THAP6: variants seen among roughly 807,000 people sequenced by gnomAD.
THAP6 encodes THAP domain containing 6, also known as THAP domain-containing protein 6.
THAP6 carries 13 observed loss-of-function variants against 20.0 expected under a neutral mutation model. That is an observed-to-expected ratio of 0.65 (90% confidence interval 0.42 to 1.03). THAP6 has a LOEUF of 1.03. Among genes scored for constraint, THAP6 ranks in the 50% least tolerant of loss-of-function variants. The pLI, the probability that THAP6 is intolerant of heterozygous loss-of-function variation, is 0.00. For synonymous variants in THAP6, 93 were observed against 92.2 expected, an observed-to-expected ratio of 1.01 and a Z score of -0.05; for missense variants, 262 against 261.6, an observed-to-expected ratio of 1.00 and a Z score of -0.01.
At chr4:75,540,526 C>T (rs550161544) in intron 2 of THAP6, among the ~76,000 whole-genome samples, 3 of 152,292 alleles carry the variant, frequency 2.0e-5, no homozygotes, top group Non-Finnish European at 2.9e-5. Flanking sequence ...TAATAAACTT[C>T]TCAAATCCTT....
chr4:75,539,148 C>T (rs971556178), intron 2 of THAP6, among the ~76,000 whole-genome samples: 115 of 152,322 alleles, frequency 7.5e-4, no homozygotes, highest in African/African-American at 2.5e-3. Context: ...AGCCATATAT[C>T]TCAAGACAAT....
chr4:75,526,940 C>T lies in THAP6; in HGVS notation c.415-20C>T. On this transcript the variant is annotated intron_variant, in intron 4 of 4. Transcript: ENST00000311638. ...ACTACATATCTGTCTGATTTAATAA[C>T]TTGGTGTTTATGTTTTTAGGAACAT... 6.2e-7 allele frequency: 1 copy of T among 1,607,014 alleles called. No homozygotes were observed.
At chr4:75,514,696 C>G (rs1417005693) in intron 1 of THAP6, 176 bp downstream of exon 1, 1 of 164,346 alleles carries the variant, frequency 6.1e-6, no homozygotes, top group African/African-American at 2.4e-5. Flanking sequence ...CCTCCGGTGG[C>G]GGGGAGCCTG....
rs2148798640 is a variant in THAP6, at chr4:75,515,545, T to G, written c.80+13T>G. ...TGACATTTCACGTGTAAGATTTTGC[T>G]GTAGTTAAGCCAAATACTTTGGCCA... On this transcript the variant is annotated intron_variant, in intron 2 of 4. Transcript: ENST00000311638. 6.2e-7 allele frequency: 1 copy of G among 1,613,080 alleles called. No homozygotes were observed. The highest frequency in any genetic ancestry group is 8.5e-7 in the Non-Finnish European group (1 of 1,179,032).
intron 2 of THAP6, among the ~76,000 whole-genome samples, chr4:75,539,631 C>T (rs535225894): frequency 6.6e-6 from 1 of 152,162 alleles, no homozygotes; most frequent in South Asian, 2.1e-4. Context: ...GAGACCAAAC[C>T]AGCTGGGGAG....
chr4:75,540,734 C>T (rs1158190931), intron 2 of THAP6, among the ~76,000 whole-genome samples: 1 of 152,054 alleles, frequency 6.6e-6, no homozygotes, highest in Non-Finnish European at 1.5e-5. Flanking sequence ...AAAATGTACT[C>T]AACATAAAAT....
At chr4:75,537,943 G>A (rs1726908352) in intron 2 of THAP6, among the ~76,000 whole-genome samples, 1 of 152,206 alleles carries the variant, frequency 6.6e-6, no homozygotes, top group African/African-American at 2.4e-5. Flanking sequence ...TGGACCTCCA[G>A]AACAACTGTA....
downstream of THAP6, among the ~76,000 whole-genome samples, chr4:75,534,611 C>T (rs1726798589): frequency 6.6e-6 from 1 of 152,164 alleles, no homozygotes; most frequent in African/African-American, 2.4e-5. Flanking sequence ...AAACTACCAT[C>T]AGAGTGAACA....
intron 2 of THAP6, chr4:75,542,323 C>G: frequency 1.5e-6 from 1 of 652,166 alleles, no homozygotes; most frequent in Admixed American, 2.3e-5. Context: ...CTTCAGAGTA[C>G]TGATATCTGG....
chr4:75,527,680 T>C lies in THAP6; in HGVS notation c.*466T>C, dbSNP rs932743581. ...TAATGCATATCCATCTTGGATTCAA[T>C]CCAAGGTGCTTTAGCTATCAGTAGT... On this transcript the variant is annotated 3_prime_UTR_variant, in exon 5 of 5. Coordinates refer to ENST00000311638, the MANE Select transcript of THAP6 (RefSeq NM_144721.6). 1.0e-6 allele frequency: 1 copy of C among 992,604 alleles called. No homozygotes were observed. Among genetic ancestry groups the C allele is most frequent in the African/African-American group, 1.7e-5 (1 of 57,282 alleles). The allele number at this position is 992,604 out of a possible 1,614,324, so 61.5% of individuals were successfully genotyped here.
downstream of THAP6, among the ~76,000 whole-genome samples, chr4:75,533,944 T>A (rs1296999648): frequency 6.6e-6 from 1 of 151,520 alleles, no homozygotes; most frequent in East Asian, 1.9e-4. Context: ...CAGTGTGTGA[T>A]GTTCCCCTTC....
chr4:75,518,741 C>T (rs959069629), intron 3 of THAP6, among the ~76,000 whole-genome samples: 2 of 152,146 alleles, frequency 1.3e-5, no homozygotes, highest in East Asian at 1.9e-4. Flanking sequence ...CTTTAGTCTA[C>T]GTAAGGATTA....
chr4:75,514,107 A>G (rs761320512), upstream of THAP6: 8 of 1,534,776 alleles, frequency 5.2e-6, no homozygotes, highest in African/African-American at 1.4e-5. Context: ...GGTTAACCTC[A>G]AACTTAAATC....
chr4:75,515,418 C>T lies in THAP6; in HGVS notation c.-20-15C>T, dbSNP rs762802775. ...TTTCCGGTTACTAACTCTTAACATT[C>T]TAATTTTCTTTCAGTTTTGTTATGA... On this transcript the variant is annotated splice_polypyrimidine_tract_variant and intron_variant, in intron 1 of 4. Transcript: ENST00000311638. The T allele has an allele frequency of 6.2e-7, 1 of 1,604,978 alleles. No individual in the cohort carries two copies. Among genetic ancestry groups the T allele is most frequent in the Non-Finnish European group, 8.5e-7 (1 of 1,171,978 alleles).
chr4:75,521,149 A>T (rs1333162114), intron 3 of THAP6, among the ~76,000 whole-genome samples: 1 of 149,306 alleles, frequency 6.7e-6, no homozygotes, highest in Admixed American at 6.7e-5. Flanking sequence ...TTTGAAATTC[A>T]GGCTTTTTTC....
In THAP6 at chr4:75,515,531, G is replaced by T; in HGVS notation, c.79G>T (p.Val27Leu). Reference protein sequence around the residue: ...NSKLKGLTFHVFPTDENIKRK... With the variant: ...NSKLKGLTFHLFPTDENIKRK... Reference sequence around the variant, plus strand: ...GAAGTTAAAAGGACTGACATTTCACGTGTAAGATTTTGCTGTAGTTAAGCC... The same window carrying T: ...GAAGTTAAAAGGACTGACATTTCACTTGTAAGATTTTGCTGTAGTTAAGCC... Residue 27 changes from valine (V) to leucine (L), a missense_variant and splice_region_variant, in exon 2 of 5, where the codon GTA becomes TTA. Transcript: ENST00000311638. 1 of 1,613,394 alleles carries T rather than the reference G, an allele frequency of 6.2e-7. No individual in the cohort carries two copies. The highest frequency in any genetic ancestry group is 8.5e-7 in the Non-Finnish European group (1 of 1,179,368).
chr4:75,528,515 G>T lies in THAP6; in HGVS notation c.*1301G>T, dbSNP rs1165756463. The T allele has an allele frequency of 3.0e-6, 3 of 984,662 alleles. No homozygotes were observed. Among genetic ancestry groups the T allele is most frequent in the Non-Finnish European group, 3.6e-6 (3 of 829,388 alleles). The allele number at this position is 984,662 out of a possible 1,614,324, so 61.0% of individuals were successfully genotyped here. ...AGTAACAAAAATTGAATTGCATTTTGTGCTCAGTTGTTTATTGTAATTTTA... is the reference window on the plus strand; with the variant it reads ...AGTAACAAAAATTGAATTGCATTTTTTGCTCAGTTGTTTATTGTAATTTTA... On this transcript the variant is annotated 3_prime_UTR_variant, in exon 5 of 5. Transcript: ENST00000311638.
intron 3 of THAP6, among the ~76,000 whole-genome samples, chr4:75,519,731 T>C (rs1302313442): frequency 6.6e-6 from 1 of 152,002 alleles, no homozygotes; most frequent in African/African-American, 2.4e-5. Context: ...TCTATCATTG[T>C]TGGACATTTG....
intron 3 of THAP6, chr4:75,517,812 A>C (rs552597283): frequency 6.6e-6 from 1 of 152,238 alleles, no homozygotes; most frequent in Admixed American, 6.5e-5. Context: ...TTTTCTGGGT[A>C]ATATTCCCAT....
Sources: allele counts gnomAD v4.1 joint callset (sites outside exome capture counted in the v4.1 genomes callset), GRCh38; gene constraint gnomAD v4.1.1; transcripts MANE v1.5; gene names NCBI Gene and HGNC (gene_info 2026-07-23, HGNC 2026-07-21).